Variants in PCDHGA8 observed in about 807,000 individuals in gnomAD.
The protein encoded by PCDHGA8 is protocadherin gamma-A8.
PCDHGA8 carries 45 observed loss-of-function variants against 59.2 expected under a neutral mutation model. That is an observed-to-expected ratio of 0.76 (90% CI 0.60 to 0.98). The LOEUF (loss-of-function observed/expected upper bound fraction) is 0.98. Among genes scored for constraint, PCDHGA8 ranks in the 50% least tolerant of loss-of-function variants. The pLI is 0.00. For synonymous variants in PCDHGA8, 531 were observed against 519.0 expected, an observed-to-expected ratio of 1.02 and a Z score of -0.32; for missense variants, 1,257 against 1,196.2, an observed-to-expected ratio of 1.05 and a Z score of -0.75.
rs911954966 is a variant in PCDHGA8, at chr5:141,491,081, C to G, written c.2425-3726C>G. On this transcript the variant is annotated intron_variant, in intron 1 of 3. Coordinates refer to ENST00000398604, the MANE Select transcript of PCDHGA8 (RefSeq NM_032088.2). This position sits in a 1 kb window ranked among gnomAD's most constrained non-coding sequence, Gnocchi z 6.9. ...TCCTACTCACTGTTGCCACAGTCCACAGCCCCAGGACTGTTCCTCGTGTCT... is the reference window on the plus strand; with the variant it reads ...TCCTACTCACTGTTGCCACAGTCCAGAGCCCCAGGACTGTTCCTCGTGTCT... The G allele has an allele frequency of 4.3e-6, 7 of 1,614,176 alleles. No individual in the cohort carries two copies. Among genetic ancestry groups the G allele is most frequent in the Non-Finnish European group, 5.9e-6 (7 of 1,180,010 alleles).
At position 141,487,666 on chromosome 5, in the gene PCDHGA8, C is replaced by T. The variant is rs2099657736; in HGVS notation, c.2425-7141C>T. 1 of 1,612,838 alleles carries T rather than the reference C, an allele frequency of 6.2e-7. No homozygotes were observed. Among genetic ancestry groups the T allele is most frequent in the South Asian group, 1.1e-5 (1 of 90,712 alleles). Reference sequence around the variant, plus strand: ...TGCTTGAGGGTTATTCTGATCCAGGCATATGGCTAGGCCATGTCCTAGAGA... The same window carrying T: ...TGCTTGAGGGTTATTCTGATCCAGGTATATGGCTAGGCCATGTCCTAGAGA... On this transcript the variant is annotated intron_variant, in intron 1 of 3. Coordinates refer to ENST00000398604, the MANE Select transcript of PCDHGA8 (RefSeq NM_032088.2). This position sits in a 1 kb window ranked among gnomAD's most constrained non-coding sequence, Gnocchi z 5.0.
At position 141,486,931 on chromosome 5, in the gene PCDHGA8, T is replaced by C. The variant is rs201042803; in HGVS notation, c.2425-7876T>C. 2 of 1,614,258 alleles carry C rather than the reference T, an allele frequency of 1.2e-6. No homozygotes were observed. Among genetic ancestry groups the C allele is most frequent in the East Asian group, 2.2e-5 (1 of 44,876 alleles). ...AAGCACTGCCTCCATCAGTTGGTGC[T>C]GGCCACCTAATCACAAAGGTGACTG... On this transcript the variant is annotated intron_variant, in intron 1 of 3. Coordinates refer to ENST00000398604, the MANE Select transcript of PCDHGA8 (RefSeq NM_032088.2). This position sits in a 1 kb window ranked among gnomAD's most constrained non-coding sequence, Gnocchi z 5.0.
intron 1 of PCDHGA8, among the ~76,000 whole-genome samples, chr5:141,443,756 A>G (rs1234457212): frequency 6.6e-6 from 1 of 152,232 alleles, no homozygotes; most frequent in Non-Finnish European, 1.5e-5. Flanking sequence ...TTGGAAGCTT[A>G]CAATATACAA....
intron 1 of PCDHGA8, chr5:141,418,637 T>C: frequency 6.2e-7 from 1 of 1,613,998 alleles, no homozygotes; most frequent in Non-Finnish European, 8.5e-7. Context: ...TCCAGGCACC[T>C]CCATCCTGAG....
intron 1 of PCDHGA8, chr5:141,396,327 A>C (rs1370175057): frequency 6.6e-6 from 1 of 152,430 alleles, no homozygotes; most frequent in Non-Finnish European, 1.5e-5. Flanking sequence ...CTCTAAAAAA[A>C]CTATTATTAG....
chr5:141,511,581 T>C lies in PCDHGA8; in HGVS notation c.*408T>C, dbSNP rs2099883862. ...TCTTTCCCGAGTAAGGTGGTTGGGG[T>C]GTTGAAGTACCAAGTAACCTACAAG... On this transcript the variant is annotated 3_prime_UTR_variant, in exon 4 of 4. Transcript: ENST00000398604. 1 of 281,638 alleles carries C rather than the reference T, an allele frequency of 3.6e-6. No homozygotes were observed. The highest frequency in any genetic ancestry group is 2.2e-5 in the African/African-American group (1 of 46,302). 17.4% of individuals were successfully genotyped at this position (281,638 alleles called of 1,614,324 possible). A position where few individuals can be genotyped will look rare whatever the true frequency, so the allele number is the denominator to read the frequency against.
At position 141,511,241 on chromosome 5, in the gene PCDHGA8, C is replaced by T; in HGVS notation, c.*68C>T. On this transcript the variant is annotated 3_prime_UTR_variant, in exon 4 of 4. Transcript: ENST00000398604. ...CCAGCCCAGCTTCTCCTTACCTGCA[C>T]CCAGGCCTCAGAGTTTCAGGGCTAA... The T allele has an allele frequency of 2.5e-6, 4 of 1,585,214 alleles. No individual in the cohort carries two copies. Among genetic ancestry groups the T allele is most frequent in the Non-Finnish European group, 3.4e-6 (4 of 1,165,762 alleles).
chr5:141,408,660 C>A, intron 1 of PCDHGA8: 3 of 1,613,980 alleles, frequency 1.9e-6, no homozygotes, highest in Non-Finnish European at 1.7e-6. Flanking sequence ...ACACGACTAT[C>A]GCTTGACCCT....
chr5:141,397,510 C>T (rs979129643), intron 1 of PCDHGA8, among the ~76,000 whole-genome samples: 2 of 152,098 alleles, frequency 1.3e-5, no homozygotes, highest in African/African-American at 2.4e-5. Context: ...AAAATTGTTT[C>T]CATAGCTAAT....
intron 1 of PCDHGA8, among the ~76,000 whole-genome samples, chr5:141,445,553 A>T (rs948468877): frequency 1.3e-5 from 2 of 152,252 alleles, no homozygotes; most frequent in Non-Finnish European, 1.5e-5. Context: ...ATACAAAAGC[A>T]CTAAGAGAAA....
chr5:141,419,240 G>C (rs753956971), intron 1 of PCDHGA8: 1 of 1,613,980 alleles, frequency 6.2e-7, no homozygotes, highest in South Asian at 1.1e-5. Flanking sequence ...CCTGGTCCAC[G>C]TGCCAGAAAA....
chr5:141,469,394 G>A lies in PCDHGA8; in HGVS notation c.2425-25413G>A, dbSNP rs550152670. Among the ~76,000 whole-genome samples the A allele has an allele frequency of 2.5e-4, 38 of 152,198 alleles. 1 individual carries two copies. The highest frequency in any genetic ancestry group is 8.4e-4 in the African/African-American group (35 of 41,514). On this transcript the variant is annotated intron_variant, in intron 1 of 3. Coordinates refer to ENST00000398604, the MANE Select transcript of PCDHGA8 (RefSeq NM_032088.2). ...GATCGAGACCATCCTGGCCAACATG[G>A]TGAAACCCCGTTTCTACTAAAAATA...
chr5:141,492,911 G>A (rs1008138353), intron 1 of PCDHGA8, among the ~76,000 whole-genome samples: 1 of 152,216 alleles, frequency 6.6e-6, no homozygotes, highest in Admixed American at 6.5e-5. Context: ...TGATCACAAT[G>A]TGCCCAGCGA....
intron 1 of PCDHGA8, chr5:141,427,690 T>TC (rs1331581287): frequency 2.3e-6 from 2 of 881,240 alleles, no homozygotes; most frequent in Non-Finnish European, 3.7e-6. Context: ...GGAGCCTCCA[T>TC]CCCACAAGTC....
At chr5:141,504,288 GT>G (rs1175142876) in intron 2 of PCDHGA8, among the ~76,000 whole-genome samples, 1 of 152,124 alleles carries the variant, frequency 6.6e-6, no homozygotes, top group Non-Finnish European at 1.5e-5. Flanking sequence ...ATCATTTCAT[GT>G]TTTTTCAACA....
chr5:141,456,103 T>C lies in PCDHGA8; in HGVS notation c.2425-38704T>C, dbSNP rs185224428. Among the ~76,000 whole-genome samples the C allele has an allele frequency of 2.6e-3, 390 of 152,142 alleles. 3 individuals are homozygous for C. The highest frequency in any genetic ancestry group is 6.7e-3 in the Admixed American group (103 of 15,290). On this transcript the variant is annotated intron_variant, in intron 1 of 3. Coordinates refer to ENST00000398604, the MANE Select transcript of PCDHGA8 (RefSeq NM_032088.2). The stretch of plus-strand genomic sequence containing the variant: ...CAGTAGAGACGGGATTTCACCGTGT[T>C]AGCCAGGATGGTCTCCATCTCCTGA...
At chr5:141,447,390 G>A (rs1048677634) in intron 1 of PCDHGA8, among the ~76,000 whole-genome samples, 4 of 151,976 alleles carry the variant, frequency 2.6e-5, no homozygotes, top group Admixed American at 6.6e-5. Flanking sequence ...TGCCCACCTC[G>A]GCCTCCCAAA....
Position 141,476,974 on chromosome 5 carries a change from C to G in PCDHGA8, c.2425-17833C>G. 1 of 1,614,268 alleles carries G rather than the reference C, an allele frequency of 6.2e-7. No homozygotes were observed. The highest frequency in any genetic ancestry group is 1.3e-5 in the African/African-American group (1 of 75,080). On this transcript the variant is annotated intron_variant, in intron 1 of 3. Coordinates refer to ENST00000398604, the MANE Select transcript of PCDHGA8 (RefSeq NM_032088.2). This position sits in a 1 kb window ranked among gnomAD's most constrained non-coding sequence, Gnocchi z 7.6. ...AAATTATTTACTCCTTCGGCAGCCA[C>G]AACCGCGCCGGCGTGCGGCAACTAT...
intron 1 of PCDHGA8, chr5:141,408,979 C>A (rs1331121466): frequency 6.2e-7 from 1 of 1,613,862 alleles, no homozygotes; most frequent in East Asian, 2.2e-5. Flanking sequence ...CCCCTGGGTC[C>A]CCTGTGTTGC....
Sources: allele counts gnomAD v4.1 joint callset (sites outside exome capture counted in the v4.1 genomes callset), GRCh38; gene constraint gnomAD v4.1.1; non-coding constraint Gnocchi (gnomAD v3.1); transcripts MANE v1.5; gene names NCBI Gene and HGNC (gene_info 2026-07-23, HGNC 2026-07-21).